Variants in MYO1D observed in about 807,000 individuals in gnomAD.
MYO1D encodes unconventional myosin-Id.
MYO1D carries 83 observed loss-of-function variants against 122.0 expected under a neutral mutation model. That is an observed-to-expected ratio of 0.68 (90% CI 0.57 to 0.82). The LOEUF is 0.82. Ranked by LOEUF, MYO1D falls within the 40% of genes least tolerant of loss-of-function variation. MYO1D has a pLI of 0.00. For synonymous variants in MYO1D, 464 were observed against 446.9 expected, an observed-to-expected ratio of 1.04 and a Z score of -0.48; for missense variants, 1,157 against 1,269.5, an observed-to-expected ratio of 0.91 and a Z score of 1.35.
chr17:32,546,747 T>C (rs1190317621), intron 21 of MYO1D, among the ~76,000 whole-genome samples: 2 of 152,162 alleles, frequency 1.3e-5, no homozygotes, highest in Non-Finnish European at 2.9e-5. Context: ...ATTCAATTAG[T>C]TTACAGCCTA....
rs1329710155 is a variant in MYO1D, at chr17:32,770,346, G to C, written c.714+779C>G. ...ATGAAAGCAGTAAGTTTTTGATGTA[G>C]AATTTTTTTAAATAAGGAAAAACAG... On this transcript the variant is annotated intron_variant, in intron 6 of 21. Coordinates refer to ENST00000318217, the MANE Select transcript of MYO1D (RefSeq NM_015194.3). Among the ~76,000 whole-genome samples the C allele has an allele frequency of 2.0e-5, 3 of 151,786 alleles. No homozygotes were observed. The East Asian group carries it at 5.8e-4, about 29-fold the overall frequency.
At chr17:32,635,327 G>A (rs993284893) in intron 20 of MYO1D, among the ~76,000 whole-genome samples, 1 of 152,192 alleles carries the variant, frequency 6.6e-6, no homozygotes, top group African/African-American at 2.4e-5. Context: ...GTCCCTTAAA[G>A]CTGCCTTAAA....
chr17:32,688,941 G>T (rs2089058721), intron 16 of MYO1D, among the ~76,000 whole-genome samples: 2 of 151,970 alleles, frequency 1.3e-5, no homozygotes, highest in East Asian at 1.9e-4. Context: ...GTGTGTGTGT[G>T]TGTGTGTATG....
chr17:32,853,462 C>T (rs887693776), intron 1 of MYO1D, among the ~76,000 whole-genome samples: 2 of 152,174 alleles, frequency 1.3e-5, no homozygotes, highest in East Asian at 1.9e-4. Context: ...CACTTTAGTT[C>T]AAACATCTCC....
intron 21 of MYO1D, among the ~76,000 whole-genome samples, chr17:32,588,945 AAAACAAAC>A (rs71144844): frequency 0.011 from 1,678 of 147,622 alleles, 29 homozygotes; most frequent in African/African-American, 0.037. Flanking sequence ...TTTGCCTCAA[AAAACAAAC>A]AAACAAACAA....
intron 5 of MYO1D, among the ~76,000 whole-genome samples, chr17:32,772,191 C>G (rs2090120382): frequency 6.6e-6 from 1 of 152,108 alleles, no homozygotes; most frequent in Non-Finnish European, 1.5e-5. Context: ...TACTTGTTTT[C>G]TAAGTGTAAA....
chr17:32,578,124 C>T (rs1272644531), intron 21 of MYO1D, among the ~76,000 whole-genome samples: 1 of 152,214 alleles, frequency 6.6e-6, no homozygotes, highest in Admixed American at 6.5e-5. Context: ...GCACAAACTG[C>T]ATATAAGAGA....
chr17:32,553,807 C>G (rs1242937931), intron 21 of MYO1D, among the ~76,000 whole-genome samples: 1 of 152,132 alleles, frequency 6.6e-6, no homozygotes, highest in African/African-American at 2.4e-5. Context: ...CATTCACTCC[C>G]ACCACTTCAA....
intron 15 of MYO1D, among the ~76,000 whole-genome samples, chr17:32,718,498 G>A (rs2089472496): frequency 1.3e-5 from 2 of 152,084 alleles, no homozygotes; most frequent in South Asian, 4.1e-4. Context: ...AGGAGGTTGA[G>A]ACCAGCCTGG....
At chr17:32,608,794 T>G (rs1417153252) in intron 20 of MYO1D, among the ~76,000 whole-genome samples, 1 of 152,226 alleles carries the variant, frequency 6.6e-6, no homozygotes, top group Non-Finnish European at 1.5e-5. Flanking sequence ...GTGGTACATT[T>G]AAATAATGGA....
chr17:32,868,645 GC>G (rs763756507), intron 1 of MYO1D, among the ~76,000 whole-genome samples: 1 of 152,182 alleles, frequency 6.6e-6, no homozygotes, highest in Non-Finnish European at 1.5e-5. Flanking sequence ...GGAAGAGTTA[GC>G]ATTAGTTGAG....
At chr17:32,601,819 C>T (rs1395287113) in intron 21 of MYO1D, among the ~76,000 whole-genome samples, 2 of 152,164 alleles carry the variant, frequency 1.3e-5, no homozygotes, top group African/African-American at 4.8e-5. Flanking sequence ...AACAGTAAGA[C>T]GAGGTATACC....
intron 19 of MYO1D, among the ~76,000 whole-genome samples, chr17:32,642,150 G>C (rs903378020): frequency 4.6e-5 from 7 of 152,164 alleles, no homozygotes; most frequent in African/African-American, 1.7e-4. Context: ...TCTACATATG[G>C]CTAGCCAGTT....
At chr17:32,640,002 T>C (rs2088172746) in intron 19 of MYO1D, among the ~76,000 whole-genome samples, 1 of 152,206 alleles carries the variant, frequency 6.6e-6, no homozygotes, top group Non-Finnish European at 1.5e-5. Flanking sequence ...GATATATTGC[T>C]ATAGGGAGGA....
At chr17:32,516,630 T>C (rs1909901533) in intron 21 of MYO1D, among the ~76,000 whole-genome samples, 1 of 152,234 alleles carries the variant, frequency 6.6e-6, no homozygotes, top group Non-Finnish European at 1.5e-5. Flanking sequence ...ACATGGCTTC[T>C]TGCCAAATTT....
intron 21 of MYO1D, among the ~76,000 whole-genome samples, chr17:32,519,904 A>ATTTTTT (rs1567875123): frequency 3.5e-4 from 47 of 132,440 alleles, no homozygotes; most frequent in African/African-American, 1.4e-3. Context: ...TTTTTTTTAA[A>ATTTTTT]AAAAAAAACC....
At chr17:32,853,919 G>A (rs2091008962) in intron 1 of MYO1D, among the ~76,000 whole-genome samples, 1 of 152,168 alleles carries the variant, frequency 6.6e-6, no homozygotes, top group Non-Finnish European at 1.5e-5. Flanking sequence ...GTCTCGCAGT[G>A]ATATTTAAAG....
At chr17:32,705,552 C>T (rs539580967) in intron 16 of MYO1D, among the ~76,000 whole-genome samples, 14 of 152,294 alleles carry the variant, frequency 9.2e-5, no homozygotes, top group African/African-American at 3.1e-4. Flanking sequence ...CATGGGCCAC[C>T]ACACGTGGCC....
intron 14 of MYO1D, among the ~76,000 whole-genome samples, chr17:32,737,936 C>T (rs1452028150): frequency 1.3e-5 from 2 of 152,200 alleles, no homozygotes; most frequent in Non-Finnish European, 2.9e-5. Context: ...GTCCTGTTTT[C>T]AGCACAGCGC....
Sources: allele counts gnomAD v4.1 joint callset (sites outside exome capture counted in the v4.1 genomes callset), GRCh38; gene constraint gnomAD v4.1.1; transcripts MANE v1.5; gene names NCBI Gene and HGNC (gene_info 2026-07-23, HGNC 2026-07-21).